ZNF732: variants seen among roughly 807,000 people sequenced by gnomAD.
ZNF732 encodes zinc finger protein 732, also known as zinc finger protein LOC654254.
In ZNF732, 12 loss-of-function variants were observed where a neutral mutation model predicts 11.5. That is an observed-to-expected ratio of 1.05 (90% CI 0.67 to 1.70). The LOEUF (loss-of-function observed/expected upper bound fraction) is 1.70. Among genes scored for constraint, ZNF732 ranks in the 40% most tolerant of loss-of-function variants. ZNF732 has a pLI of 0.00. For missense variants in ZNF732, 702 were observed against 676.9 expected (o/e 1.04, Z -0.41); for synonymous variants, 231 against 236.5 (o/e 0.98, Z 0.21).
chr4:300,511 T>C (rs992116023), intron 1 of ZNF732, among the ~76,000 whole-genome samples: 2 of 138,846 alleles, frequency 1.4e-5, no homozygotes, highest in Admixed American at 7.1e-5. Flanking sequence ...TTTGTGGCAA[T>C]AGCACACAAT....
intron 3 of ZNF732, among the ~76,000 whole-genome samples, chr4:287,879 G>A (rs1553840812): frequency 6.6e-6 from 1 of 151,854 alleles, no homozygotes. Context: ...ATTTTTTTCA[G>A]GTGGTTGCAT....
chr4:271,243 T>C lies in ZNF732; in HGVS notation c.1614A>G (p.Ala538=), dbSNP rs1403731665. ...TATTCAGGACTCTGGAACGTCTAAA[T>C]GCTTTGCCACACTCTTCACATCTAT... ...KPYRCEECGK[A]FRRSRVLNKY... The change falls in exon 4 of 4, where the codon GCA becomes GCG. Residue 538 remains alanine (A), a synonymous_variant. Coordinates refer to ENST00000419098, the MANE Select transcript of ZNF732 (RefSeq NM_001137608.3). The C allele has an allele frequency of 6.4e-7, 1 of 1,567,434 alleles. No homozygotes were observed. Among genetic ancestry groups the C allele is most frequent in the East Asian group, 2.4e-5 (1 of 42,274 alleles).
At position 271,955 on chromosome 4, in the gene ZNF732, G is replaced by T. The variant is rs782068191; in HGVS notation, c.902C>A (p.Thr301Asn). 133 of 1,607,140 alleles carry T rather than the reference G, an allele frequency of 8.3e-5. No individual in the cohort carries two copies. The highest frequency in any genetic ancestry group is 1.1e-4 in the Non-Finnish European group (130 of 1,176,534). Residue 301 changes from threonine (T) to asparagine (N), a missense_variant, in exon 4 of 4, where the codon ACC becomes AAC. Coordinates refer to ENST00000419098, the MANE Select transcript of ZNF732 (RefSeq NM_001137608.3). ...CTGACATTTGTAGAGTTTCTCTCCGGTATGAATTTTCTTATGTTTGGCAAC... is the reference window on the plus strand; with the variant it reads ...CTGACATTTGTAGAGTTTCTCTCCGTTATGAATTTTCTTATGTTTGGCAAC... ...SNVAKHKKIH[T>N]GEKLYKCQEC...
chr4:304,566 GCCC>G (rs34949567), intron 1 of ZNF732, among the ~76,000 whole-genome samples: 16,409 of 150,734 alleles, frequency 0.11, 917 homozygotes, highest in Middle Eastern at 0.16. Context: ...TCCCGCAGCT[GCCC>G]CCCCCCTGCA....
At chr4:283,601 A>G (rs1359910595) in intron 3 of ZNF732, among the ~76,000 whole-genome samples, 2 of 152,050 alleles carry the variant, frequency 1.3e-5, no homozygotes, top group African/African-American at 4.8e-5. Flanking sequence ...CCAATATTGG[A>G]GCACATAAAT....
At chr4:280,666 C>T (rs928005542) in intron 3 of ZNF732, among the ~76,000 whole-genome samples, 2 of 152,336 alleles carry the variant, frequency 1.3e-5, no homozygotes, top group East Asian at 3.9e-4. Flanking sequence ...GAACCCAAGA[C>T]TGAGGAGGGC....
At chr4:295,946 G>A in intron 2 of ZNF732, 83 bp downstream of exon 2, 1 of 1,493,342 alleles carries the variant, frequency 6.7e-7, no homozygotes, top group South Asian at 1.3e-5. Context: ...CAAAGCAGAA[G>A]GTTCCCAAGA....
At chr4:299,617 AAAT>A (rs1461685683) in intron 1 of ZNF732, among the ~76,000 whole-genome samples, 9 of 142,844 alleles carry the variant, frequency 6.3e-5, no homozygotes, top group East Asian at 2.0e-4. Context: ...ATTTATATAT[AAAT>A]AATATATTTG....
intron 3 of ZNF732, among the ~76,000 whole-genome samples, chr4:287,054 G>C (rs934119240): frequency 6.6e-6 from 1 of 152,094 alleles, no homozygotes; most frequent in African/African-American, 2.4e-5. Context: ...AGGAGGCTGA[G>C]GCAGGAGAAT....
chr4:305,246 C>T, intron 1 of ZNF732, 62 bp downstream of exon 1: 1 of 1,582,220 alleles, frequency 6.3e-7, no homozygotes, highest in Middle Eastern at 1.8e-4. Context: ...CCCGCCGCCG[C>T]CATTTCCCGC....
intron 3 of ZNF732, among the ~76,000 whole-genome samples, chr4:288,750 A>T (rs1346383951): frequency 2.6e-5 from 4 of 152,186 alleles, no homozygotes; most frequent in Admixed American, 6.5e-5. Flanking sequence ...AAGAATTTTT[A>T]AAAATATTTT....
At chr4:273,612 GAC>G (rs1334696805) in intron 3 of ZNF732, among the ~76,000 whole-genome samples, 3 of 151,558 alleles carry the variant, frequency 2.0e-5, no homozygotes, top group South Asian at 4.2e-4. Context: ...GCAAAATAAA[GAC>G]AGAAATTTTC....
intron 3 of ZNF732, among the ~76,000 whole-genome samples, chr4:285,652 G>A (rs1009688358): frequency 3.9e-5 from 6 of 152,152 alleles, no homozygotes; most frequent in South Asian, 2.1e-4. Context: ...ATCACAAGAC[G>A]ATTCACAGTG....
chr4:289,322 C>T (rs1209407648), intron 3 of ZNF732, among the ~76,000 whole-genome samples: 2 of 152,254 alleles, frequency 1.3e-5, no homozygotes, highest in African/African-American at 4.8e-5. Context: ...TACATGTAAT[C>T]CACTCCTTTT....
chr4:304,324 C>G (rs782801114), intron 1 of ZNF732, among the ~76,000 whole-genome samples: 1 of 151,834 alleles, frequency 6.6e-6, no homozygotes, highest in Non-Finnish European at 1.5e-5. Flanking sequence ...CGGAAGGAGA[C>G]CTGGAGGAAA....
In ZNF732 at chr4:270,774, A is replaced by G; in HGVS notation, c.*325T>C. 1 of 505,964 alleles carries G rather than the reference A, an allele frequency of 2.0e-6. No individual in the cohort carries two copies. Among genetic ancestry groups the G allele is most frequent in the East Asian group, 4.3e-5 (1 of 23,166 alleles). 31.3% of individuals were successfully genotyped at this position (505,964 alleles called of 1,614,324 possible). A position where few individuals can be genotyped will look rare whatever the true frequency, so the allele number is the denominator to read the frequency against. On this transcript the variant is annotated 3_prime_UTR_variant, in exon 4 of 4. Transcript: ENST00000419098. ...CACATTCTTTACATTTGTAGGATTC[A>G]TCTCCCATATGAATTTTCTTATGTT...
chr4:291,567 A>G (rs1177989402), intron 3 of ZNF732, among the ~76,000 whole-genome samples: 2 of 152,220 alleles, frequency 1.3e-5, no homozygotes, highest in Admixed American at 1.3e-4. Flanking sequence ...ACACTAAATG[A>G]TGACAGAAAC....
chr4:292,131 C>G (rs1719852020), intron 3 of ZNF732, among the ~76,000 whole-genome samples: 1 of 152,026 alleles, frequency 6.6e-6, no homozygotes, highest in Non-Finnish European at 1.5e-5. Context: ...ATGGAAAAGC[C>G]CTGTTGATAC....
rs868952138 is a variant in ZNF732 at position 284,888 on chromosome 4, A to G, written c.226+10550T>C. On this transcript the variant is annotated intron_variant, in intron 3 of 3. Coordinates refer to ENST00000419098, the MANE Select transcript of ZNF732 (RefSeq NM_001137608.3). ...TCTGTCTCAAAAAAAAAAAAAAAAA[A>G]AAAAAGAAGAAGAAAAAGAAACAAA... 2.9e-4 allele frequency among the ~76,000 whole-genome samples: 44 copies of G among 149,774 alleles called. No homozygotes were observed. In the South Asian group the frequency reaches 8.6e-3, roughly 29 times the overall value.
Sources: allele counts gnomAD v4.1 joint callset (sites outside exome capture counted in the v4.1 genomes callset), GRCh38; gene constraint gnomAD v4.1.1; transcripts MANE v1.5; gene names NCBI Gene and HGNC (gene_info 2026-07-23, HGNC 2026-07-21).